HSPA1L: variants seen among roughly 807,000 people sequenced by gnomAD.
HSPA1L encodes heat shock 70 kDa protein 1-like.
Under a neutral mutation model 31.5 loss-of-function variants are expected in HSPA1L, and 21 were observed. The ratio of observed to expected loss-of-function variants is 0.67; its 90% CI spans 0.47 to 0.96. The LOEUF is 0.96. Ranked by LOEUF, HSPA1L falls within the 40% of genes least tolerant of loss-of-function variation. HSPA1L has a pLI of 0.00. For missense variants in HSPA1L, 709 were observed against 813.4 expected, an observed-to-expected ratio of 0.87 and a Z score of 1.56; for synonymous variants, 293 against 323.1, an observed-to-expected ratio of 0.91 and a Z score of 1.00.
chr6:31,812,718 G>A (rs1437261841), intron 1 of HSPA1L, among the ~76,000 whole-genome samples: 2 of 152,144 alleles, frequency 1.3e-5, no homozygotes, highest in African/African-American at 4.8e-5. Context: ...TCACAGCGGT[G>A]TTCAACCAAT....
intron 1 of HSPA1L, 57 bp downstream of exon 1, chr6:31,814,832 A>G: frequency 1.1e-6 from 1 of 925,174 alleles, no homozygotes; most frequent in Non-Finnish European, 1.3e-6. Context: ...TACTTTCCCA[A>G]ACAAGGACCT....
In HSPA1L at chr6:31,811,778, G is replaced by A. The variant is rs779903526; in HGVS notation, c.195C>T (p.Pro65=). Residue 65 remains proline (P), a synonymous_variant, in exon 2 of 2, where the codon CCC becomes CCT. Coordinates refer to ENST00000375654, the MANE Select transcript of HSPA1L (RefSeq NM_005527.4). ...GTTTAGCATCAAAAACAGTGTTCTG[G>A]GGATTCATTGCTACCTGGTTCTTGG... is the stretch of plus-strand genomic sequence containing the variant. ...DAAKNQVAMN[P]QNTVFDAKRL... The A allele has an allele frequency of 6.2e-7, 1 of 1,614,108 alleles. No homozygotes were observed. Among genetic ancestry groups the A allele is most frequent in the South Asian group, 1.1e-5 (1 of 91,082 alleles).
chr6:31,811,515 T>C lies in HSPA1L; in HGVS notation c.458A>G (p.Asn153Ser), dbSNP rs775085801. 22 of 1,614,098 alleles carry C rather than the reference T, an allele frequency of 1.4e-5. No individual in the cohort carries two copies. Among genetic ancestry groups the C allele is most frequent in the African/African-American group, 9.3e-5 (7 of 74,932 alleles). The change falls in exon 2 of 2, where the codon AAT becomes AGT. Residue 153 changes from asparagine (N) to serine (S), a missense_variant. Physicochemically the swap from Asn to Ser is conservative, Grantham distance 46. Transcript: ENST00000375654. Reference protein sequence around the residue: ...NAVITVPAYFNDSQRQATKDA... With the variant: ...NAVITVPAYFSDSQRQATKDA... ...CTTAGTAGCCTGACGTTGAGAGTCA[T>C]TGAAATAGGCTGGCACGGTAATCAC...
At chr6:31,812,598 C>T (rs1815507308) in intron 1 of HSPA1L, among the ~76,000 whole-genome samples, 1 of 152,180 alleles carries the variant, frequency 6.6e-6, no homozygotes, top group Non-Finnish European at 1.5e-5. Flanking sequence ...ACTGGGATTA[C>T]AGGAGTGAAC....
At chr6:31,812,482 G>C (rs7757853) in intron 1 of HSPA1L, among the ~76,000 whole-genome samples, 11 of 151,706 alleles carry the variant, frequency 7.3e-5, no homozygotes, top group African/African-American at 1.5e-4. Flanking sequence ...TCTCTGCCTG[G>C]CTAATGTTTT....
Position 31,811,774 on chromosome 6 carries a change from T to C in HSPA1L, c.199A>G (p.Asn67Asp), listed in dbSNP as rs757327606. ...AGACGTTTAGCATCAAAAACAGTGT[T>C]CTGGGGATTCATTGCTACCTGGTTC... ...AKNQVAMNPQ[N>D]TVFDAKRLIG... The change falls in exon 2 of 2, where the codon AAC becomes GAC. Residue 67 changes from asparagine (N) to aspartate (D), a missense_variant. Asn to Asp is a conservative substitution (Grantham distance 23). Coordinates refer to ENST00000375654, the MANE Select transcript of HSPA1L (RefSeq NM_005527.4). 32 of 1,614,082 alleles carry C rather than the reference T, an allele frequency of 2.0e-5. No homozygotes were observed. The Admixed American group carries it at 5.3e-4, about 27-fold the overall frequency.
chr6:31,811,854 G>A lies in HSPA1L; in HGVS notation c.119C>T (p.Thr40Ile), dbSNP rs753725330. ...GTCTGTGAAGGCCACGTAGCTGGGG[G>A]TGGTGCGGTTGCCCTGGTCGTTGGC... is the stretch of plus-strand genomic sequence containing the variant. ...IIANDQGNRT[T>I]PSYVAFTDTE... is the part of the protein sequence containing the mutation. The change falls in exon 2 of 2, where the codon ACC becomes ATC. Residue 40 changes from threonine to isoleucine, a missense_variant. Transcript: ENST00000375654. 2 of 1,614,186 alleles carry A rather than the reference G, an allele frequency of 1.2e-6. No homozygotes were observed. Among genetic ancestry groups the A allele is most frequent in the South Asian group, 1.1e-5 (1 of 91,084 alleles).
In HSPA1L at chr6:31,811,772, G is replaced by T; in HGVS notation, c.201C>A (p.Asn67Lys). 1 of 1,614,162 alleles carries T rather than the reference G, an allele frequency of 6.2e-7. No homozygotes were observed. Among genetic ancestry groups the T allele is most frequent in the Non-Finnish European group, 8.5e-7 (1 of 1,180,046 alleles). Residue 67 changes from asparagine to lysine, a missense_variant, in exon 2 of 2, where the codon AAC becomes AAA. Coordinates refer to ENST00000375654, the MANE Select transcript of HSPA1L (RefSeq NM_005527.4). Reference protein sequence around the residue: ...AKNQVAMNPQNTVFDAKRLIG... With the variant: ...AKNQVAMNPQKTVFDAKRLIG... ...TCAGACGTTTAGCATCAAAAACAGT[G>T]TTCTGGGGATTCATTGCTACCTGGT...
chr6:31,810,848 A>G lies in HSPA1L; in HGVS notation c.1125T>C (p.Ala375=), dbSNP rs1192399764. 2 of 1,614,138 alleles carry G rather than the reference A, an allele frequency of 1.2e-6. No homozygotes were observed. The highest frequency in any genetic ancestry group is 4.5e-5 in the East Asian group (2 of 44,886). ...INPDEAVAYG[A]AVQAAILMGD... is the part of the protein sequence containing the mutation. ...CCATCAGGATGGCTGCTTGTACCGCAGCCCCATATGCTACGGCCTCATCAG... is the reference window on the plus strand; with the variant it reads ...CCATCAGGATGGCTGCTTGTACCGCGGCCCCATATGCTACGGCCTCATCAG... The change falls in exon 2 of 2, where the codon GCT becomes GCC. Residue 375 remains alanine, a synonymous_variant. Coordinates refer to ENST00000375654, the MANE Select transcript of HSPA1L (RefSeq NM_005527.4).
chr6:31,814,049 C>A (rs1039317894), intron 1 of HSPA1L, among the ~76,000 whole-genome samples: 1 of 152,210 alleles, frequency 6.6e-6, no homozygotes, highest in African/African-American at 2.4e-5. Flanking sequence ...ACATGGCACT[C>A]CAGACAGTAT....
Position 31,811,794 on chromosome 6 carries a change from T to C in HSPA1L, c.179A>G (p.Gln60Arg). The change falls in exon 2 of 2, where the codon CAG becomes CGG. Residue 60 changes from glutamine to arginine, a missense_variant. By Grantham distance (43) the Gln-to-Arg change is conservative. Transcript: ENST00000375654. The stretch of plus-strand genomic sequence containing the variant: ...AGTGTTCTGGGGATTCATTGCTACC[T>C]GGTTCTTGGCCGCATCCCCAATGAG... ...ERLIGDAAKN[Q>R]VAMNPQNTVF... 1 of 1,614,188 alleles carries C rather than the reference T, an allele frequency of 6.2e-7. No individual in the cohort carries two copies. The highest frequency in any genetic ancestry group is 8.5e-7 in the Non-Finnish European group (1 of 1,180,034).
Position 31,815,096 on chromosome 6 carries a change from C to A in HSPA1L, c.-221G>T. 1 of 948,694 alleles carries A rather than the reference C, an allele frequency of 1.1e-6. No homozygotes were observed. Among genetic ancestry groups the A allele is most frequent in the Non-Finnish European group, 1.3e-6 (1 of 792,354 alleles). 58.8% of individuals were successfully genotyped at this position (948,694 alleles called of 1,614,324 possible). A position where few individuals can be genotyped will look rare whatever the true frequency, so the allele number is the denominator to read the frequency against. ...GTCAGAGACAGTATCTCCATTGTAA[C>A]GTGGCCGGGCGGTGTCAACACAAAC... On this transcript the variant is annotated 5_prime_UTR_variant, in exon 1 of 2. Coordinates refer to ENST00000375654, the MANE Select transcript of HSPA1L (RefSeq NM_005527.4).
Position 31,811,429 on chromosome 6 carries a change from C to T in HSPA1L, c.544G>A (p.Ala182Thr). 1 of 1,614,206 alleles carries T rather than the reference C, an allele frequency of 6.2e-7. No homozygotes were observed. The highest frequency in any genetic ancestry group is 8.5e-7 in the Non-Finnish European group (1 of 1,180,050). The change falls in exon 2 of 2, where the codon GCC becomes ACC. Residue 182 changes from alanine to threonine, a missense_variant. Transcript: ENST00000375654. The part of the protein sequence containing the change: ...LRIINEPTAA[A>T]IAYGLDKGGQ... ...CCTTTATCTAAACCATAGGCAATGG[C>T]AGCAGCCGTGGGCTCATTGATGATT...
Position 31,815,139 on chromosome 6 carries a change from G to C in HSPA1L, c.-264C>G, listed in dbSNP as rs563357566. ...ACACAAACGCCCCCACCCTCCCCTG[G>C]ACGCGCGTAACCCGCTCCCCGCACC... On this transcript the variant is annotated 5_prime_UTR_variant, in exon 1 of 2. Coordinates refer to ENST00000375654, the MANE Select transcript of HSPA1L (RefSeq NM_005527.4). 89 of 491,458 alleles carry C rather than the reference G, an allele frequency of 1.8e-4. 1 individual carries two copies. The South Asian group carries it at 5.0e-3, about 28-fold the overall frequency. 30.4% of individuals were successfully genotyped at this position (491,458 alleles called of 1,614,324 possible).
Position 31,811,226 on chromosome 6 carries a change from C to T in HSPA1L, c.747G>A (p.Arg249=), listed in dbSNP as rs116768554. 1.5e-3 allele frequency: 2,358 copies of T among 1,614,108 alleles called. 10 individuals carry two copies. Among genetic ancestry groups the T allele is most frequent in the South Asian group, 3.9e-3 (352 of 91,086 alleles). ...LVSHFVEEFK[R]KHKKDISQNK... Reference sequence around the variant, plus strand: ...TCTGGCTGATGTCCTTTTTGTGTTTCCTCTTGAACTCCTCCACGAAGTGGC... The same window carrying T: ...TCTGGCTGATGTCCTTTTTGTGTTTTCTCTTGAACTCCTCCACGAAGTGGC... Residue 249 remains arginine, a synonymous_variant, in exon 2 of 2, where the codon AGG becomes AGA. Coordinates refer to ENST00000375654, the MANE Select transcript of HSPA1L (RefSeq NM_005527.4).
chr6:31,809,781 G>A lies in HSPA1L; in HGVS notation c.*266C>T, dbSNP rs921479106. On this transcript the variant is annotated 3_prime_UTR_variant, in exon 2 of 2. Coordinates refer to ENST00000375654, the MANE Select transcript of HSPA1L (RefSeq NM_005527.4). ...GATTGACAAATAAGCATCCACACAG[G>A]AAGAAGAATGTTAGGGTGGCTGGAA... The A allele has an allele frequency of 5.2e-6, 2 of 383,590 alleles. No individual in the cohort carries two copies. Among genetic ancestry groups the A allele is most frequent in the Admixed American group, 4.5e-5 (1 of 22,424 alleles). The allele number at this position is 383,590 out of a possible 1,614,324, so 23.8% of individuals were successfully genotyped here.
rs764207926 is a variant in HSPA1L, at chr6:31,810,021, C to A, written c.*26G>T. ...GGAATGAAATACATGTAGAGGCATC[C>A]TAGGATGCTTCAGTTCTAAAAAGAA... On this transcript the variant is annotated 3_prime_UTR_variant, in exon 2 of 2. Transcript: ENST00000375654. 2.1e-6 allele frequency: 3 copies of A among 1,403,704 alleles called. No individual in the cohort carries two copies. The highest frequency in any genetic ancestry group is 2.8e-6 in the Non-Finnish European group (3 of 1,076,456). The allele number at this position is 1,403,704 out of a possible 1,614,324, so 87.0% of individuals were successfully genotyped here.
At chr6:31,814,678 C>G (rs1815744962) in intron 1 of HSPA1L, among the ~76,000 whole-genome samples, 2 of 146,052 alleles carry the variant, frequency 1.4e-5, no homozygotes, top group African/African-American at 5.1e-5. Flanking sequence ...CCCGACAGGC[C>G]GCACTCCCTT....
intron 1 of HSPA1L, among the ~76,000 whole-genome samples, chr6:31,813,242 C>T (rs1815559154): frequency 6.6e-6 from 1 of 152,172 alleles, no homozygotes; most frequent in Non-Finnish European, 1.5e-5. Flanking sequence ...AGGTTTCATC[C>T]ATGTTGTAAC....
Sources: allele counts gnomAD v4.1 joint callset (sites outside exome capture counted in the v4.1 genomes callset), GRCh38; gene constraint gnomAD v4.1.1; transcripts MANE v1.5; gene names NCBI Gene and HGNC (gene_info 2026-07-23, HGNC 2026-07-21).